The following FAM107B variants were observed in gnomAD, a reference collection of about 807,000 sequenced individuals.
The protein encoded by FAM107B is family with sequence similarity 107 member B.
A neutral mutation model predicts 31.5 loss-of-function variants in FAM107B; 21 were observed. The ratio of observed to expected loss-of-function variants is 0.67; its 90% CI spans 0.47 to 0.96. FAM107B has a LOEUF of 0.96. FAM107B is among the 40% of genes least tolerant of loss of function. The pLI, the probability that FAM107B is intolerant of heterozygous loss-of-function variation, is 0.00. For synonymous variants in FAM107B, 157 were observed against 141.5 expected (o/e 1.11, Z -0.78); for missense variants, 452 against 377.1 (o/e 1.20, Z -1.64).
At chr10:14,731,254 G>T (rs1856165653) in intron 1 of FAM107B, among the ~76,000 whole-genome samples, 1 of 152,120 alleles carries the variant, frequency 6.6e-6, no homozygotes, top group Non-Finnish European at 1.5e-5. Flanking sequence ...TCCAGTGAGG[G>T]CGCGGGATTA....
intron 2 of FAM107B, among the ~76,000 whole-genome samples, chr10:14,648,799 G>C (rs951370181): frequency 4.6e-5 from 7 of 152,138 alleles, no homozygotes; most frequent in Non-Finnish European, 8.8e-5. Context: ...CTCCAAGTTG[G>C]TTTAATTCAA....
intron 1 of FAM107B, among the ~76,000 whole-genome samples, chr10:14,682,311 C>T (rs1284983873): frequency 6.6e-6 from 1 of 152,116 alleles, no homozygotes; most frequent in Non-Finnish European, 1.5e-5. Flanking sequence ...GGTGGATCAT[C>T]TGAGGTCAGG....
intron 2 of FAM107B, among the ~76,000 whole-genome samples, chr10:14,585,095 GTATT>G (rs1851780235): frequency 6.6e-6 from 1 of 152,168 alleles, no homozygotes; most frequent in African/African-American, 2.4e-5. Flanking sequence ...CCTCTAGAGG[GTATT>G]TAAACCCAAG....
chr10:14,688,043 C>T (rs1007509182), intron 1 of FAM107B, among the ~76,000 whole-genome samples: 3 of 152,298 alleles, frequency 2.0e-5, no homozygotes, highest in East Asian at 1.9e-4. Flanking sequence ...TTTGGGTGGG[C>T]GCCATCTAAT....
chr10:14,678,655 C>T (rs979812658), intron 1 of FAM107B, among the ~76,000 whole-genome samples: 1 of 152,272 alleles, frequency 6.6e-6, no homozygotes, highest in East Asian at 1.9e-4. Flanking sequence ...TTTTCTTCTC[C>T]TCTCTTCTTC....
intron 2 of FAM107B, among the ~76,000 whole-genome samples, chr10:14,572,762 A>ATATATATATATATATATATTT (rs1491218709): frequency 3.0e-5 from 2 of 66,030 alleles, no homozygotes; most frequent in Non-Finnish European, 6.8e-5. Flanking sequence ...TATATATATT[A>ATATATATATATATATATATTT]GAGTGTGTGT....
chr10:14,723,079 T>C, intron 1 of FAM107B: 1 of 371,038 alleles, frequency 2.7e-6, no homozygotes, highest in South Asian at 2.1e-5. Flanking sequence ...TAGGTCTTCT[T>C]TGGCATGTAT....
At chr10:14,626,055 G>C (rs369365156) in intron 2 of FAM107B, among the ~76,000 whole-genome samples, 102 of 152,120 alleles carry the variant, frequency 6.7e-4, no homozygotes, top group Non-Finnish European at 4.0e-4. Context: ...CCCCCACCCC[G>C]GTACACTTGG....
intron 2 of FAM107B, among the ~76,000 whole-genome samples, chr10:14,619,708 TAAAAAA>T (rs3995551): frequency 4.8e-5 from 5 of 104,608 alleles, no homozygotes; most frequent in Non-Finnish European, 5.6e-5. Flanking sequence ...GTGTCCTAGC[TAAAAAA>T]AAAAAAAAAA....
chr10:14,643,577 T>C (rs985870985), intron 2 of FAM107B, among the ~76,000 whole-genome samples: 1 of 151,950 alleles, frequency 6.6e-6, no homozygotes, highest in Non-Finnish European at 1.5e-5. Flanking sequence ...ACCCAGATGA[T>C]TTTTGTATTT....
At chr10:14,611,751 A>G (rs1488951788) in intron 2 of FAM107B, among the ~76,000 whole-genome samples, 1 of 151,606 alleles carries the variant, frequency 6.6e-6, no homozygotes, top group Non-Finnish European at 1.5e-5. Context: ...CAAAATCAAG[A>G]TCTTGGCAGG....
intron 1 of FAM107B, among the ~76,000 whole-genome samples, chr10:14,767,071 G>GAGAGAGAGAGAGAGAT: frequency 1.5e-5 from 1 of 66,730 alleles, no homozygotes. Context: ...GAGAGAGAGA[G>GAGAGAGAGAGAGAGAT]AGAGAGAGAG....
At chr10:14,562,881 G>A (rs1307119351) in intron 2 of FAM107B, among the ~76,000 whole-genome samples, 1 of 152,190 alleles carries the variant, frequency 6.6e-6, no homozygotes, top group Non-Finnish European at 1.5e-5. Flanking sequence ...TATCCCATAG[G>A]ACAAGATATT....
At chr10:14,678,464 G>A (rs1056993723) in intron 1 of FAM107B, among the ~76,000 whole-genome samples, 23 of 152,128 alleles carry the variant, frequency 1.5e-4, no homozygotes, top group Admixed American at 6.5e-4. Flanking sequence ...CCATGTTCAT[G>A]GCATTCTGCT....
At chr10:14,592,655 T>C (rs1343173054) in intron 2 of FAM107B, among the ~76,000 whole-genome samples, 1 of 152,254 alleles carries the variant, frequency 6.6e-6, no homozygotes, top group Non-Finnish European at 1.5e-5. Flanking sequence ...TTTTACTCCC[T>C]GCAATTTCAA....
At chr10:14,601,776 T>A (rs1852406654) in intron 2 of FAM107B, among the ~76,000 whole-genome samples, 2 of 152,246 alleles carry the variant, frequency 1.3e-5, no homozygotes, top group South Asian at 4.1e-4. Context: ...AAGTTAGGAA[T>A]AACATTAAGC....
intron 1 of FAM107B, among the ~76,000 whole-genome samples, chr10:14,709,663 A>G (rs1855595864): frequency 6.6e-6 from 1 of 152,216 alleles, no homozygotes; most frequent in Non-Finnish European, 1.5e-5. Context: ...AAAATTTAGA[A>G]GCAACCAAGA....
intron 2 of FAM107B, among the ~76,000 whole-genome samples, chr10:14,569,268 T>G (rs973253985): frequency 6.6e-6 from 1 of 152,240 alleles, no homozygotes; most frequent in South Asian, 2.1e-4. Flanking sequence ...ACAACTGATA[T>G]AGAAATAGAG....
chr10:14,605,490 A>G (rs888417839), intron 2 of FAM107B, among the ~76,000 whole-genome samples: 6 of 152,222 alleles, frequency 3.9e-5, no homozygotes, highest in Non-Finnish European at 5.9e-5. Flanking sequence ...TCTGACTAAG[A>G]CAGTTTGGGT....
Sources: gnomAD v4.1 joint callset for allele counts (sites outside exome capture counted in the v4.1 genomes callset) on GRCh38, gnomAD v4.1.1 for gene constraint, MANE v1.5 for transcripts, NCBI Gene and HGNC (gene_info 2026-07-23, HGNC 2026-07-21) for gene names.